Variants in FGF12 observed in about 807,000 individuals in gnomAD.
The protein encoded by FGF12 is fibroblast growth factor 12, also known as fibroblast growth factor 12B.
FGF12 carries 14 observed loss-of-function variants against 23.6 expected under a neutral mutation model. That is an observed-to-expected ratio of 0.59 (90% confidence interval 0.39 to 0.93). The LOEUF is 0.93. Among genes scored for constraint, FGF12 ranks in the 40% least tolerant of loss-of-function variants. FGF12 has a pLI of 0.00. For synonymous variants in FGF12, 62 were observed against 77.3 expected (o/e 0.80, Z 1.04); for missense variants, 175 against 217.8 (o/e 0.80, Z 1.24).
intron 4 of FGF12, among the ~76,000 whole-genome samples, chr3:192,325,111 A>G (rs975568845): frequency 6.6e-6 from 1 of 152,174 alleles, no homozygotes; most frequent in Non-Finnish European, 1.5e-5. Flanking sequence ...ATCCCAACAA[A>G]AAATAACCCA....
chr3:192,425,911 TG>T (rs1721675829), intron 2 of FGF12, among the ~76,000 whole-genome samples: 1 of 152,164 alleles, frequency 6.6e-6, no homozygotes, highest in African/African-American at 2.4e-5. Flanking sequence ...TAAAATTACA[TG>T]GGGATGGAAC....
chr3:192,547,107 T>C (rs922104757), intron 2 of FGF12, among the ~76,000 whole-genome samples: 1 of 152,136 alleles, frequency 6.6e-6, no homozygotes, highest in Admixed American at 6.5e-5. Context: ...CCACAAATGT[T>C]CCTTAGACCT....
intron 4 of FGF12, among the ~76,000 whole-genome samples, chr3:192,198,372 T>C (rs1486804124): frequency 1.3e-5 from 2 of 151,862 alleles, no homozygotes; most frequent in Non-Finnish European, 2.9e-5. Flanking sequence ...ACCTTTAACC[T>C]GAGTAAAAAA....
chr3:192,206,040 A>AG lies in FGF12; in HGVS notation c.229-35385dup, dbSNP rs1484192151. ...TCACAGGAAGTTGAAGATGACTCCAAGAAAACCATGCATATTGCTAATATG... is the reference window on the plus strand; with the variant it reads ...TCACAGGAAGTTGAAGATGACTCCAAGGAAAACCATGCATATTGCTAATATG... On this transcript the variant is annotated intron_variant, in intron 4 of 5. Coordinates refer to ENST00000445105, the MANE Select transcript of FGF12 (RefSeq NM_004113.6). 7.9e-5 allele frequency among the ~76,000 whole-genome samples: 12 copies of AG among 152,360 alleles called. No homozygotes were observed. The East Asian group carries it at 1.7e-3, about 22-fold the overall frequency.
chr3:192,568,340 T>A (rs1712439042), intron 2 of FGF12, among the ~76,000 whole-genome samples: 1 of 152,202 alleles, frequency 6.6e-6, no homozygotes, highest in Non-Finnish European at 1.5e-5. Context: ...TACTTCCTCC[T>A]GCCAGTGGGG....
chr3:192,418,389 T>C (rs1202180108), intron 2 of FGF12, among the ~76,000 whole-genome samples: 1 of 152,156 alleles, frequency 6.6e-6, no homozygotes, highest in Admixed American at 6.5e-5. Flanking sequence ...CAGTATGATG[T>C]CAGTCAAGAA....
At chr3:192,625,913 A>C (rs1715150408) in intron 2 of FGF12, among the ~76,000 whole-genome samples, 1 of 152,200 alleles carries the variant, frequency 6.6e-6, no homozygotes, top group Non-Finnish European at 1.5e-5. Context: ...TTAGGATTAA[A>C]GGGTTAAAAG....
chr3:192,299,664 A>G (rs77550259), intron 4 of FGF12, among the ~76,000 whole-genome samples: 1 of 152,344 alleles, frequency 6.6e-6, no homozygotes, highest in East Asian at 1.9e-4. Flanking sequence ...ATGTCTTAAC[A>G]GTGCTGATAC....
At chr3:192,193,448 C>T (rs1716905970) in intron 4 of FGF12, among the ~76,000 whole-genome samples, 2 of 152,254 alleles carry the variant, frequency 1.3e-5, no homozygotes, top group Admixed American at 1.3e-4. Context: ...GGACTCACTC[C>T]TCAGCAGTGA....
At chr3:192,168,609 A>T (rs745410245) in intron 5 of FGF12, among the ~76,000 whole-genome samples, 12 of 152,230 alleles carry the variant, frequency 7.9e-5, no homozygotes, top group Non-Finnish European at 1.8e-4. Flanking sequence ...ACCTCTAAGA[A>T]TATCATAAAG....
chr3:192,245,849 A>G (rs1711539365), intron 4 of FGF12, among the ~76,000 whole-genome samples: 1 of 152,226 alleles, frequency 6.6e-6, no homozygotes, highest in Non-Finnish European at 1.5e-5. Flanking sequence ...GTCTAGAATT[A>G]TAAGTGACAG....
chr3:192,594,713 G>A (rs1234138567), intron 2 of FGF12, among the ~76,000 whole-genome samples: 2 of 151,788 alleles, frequency 1.3e-5, no homozygotes, highest in African/African-American at 2.4e-5. Flanking sequence ...ACATGCTCTC[G>A]TCCTTTCACC....
chr3:192,622,999 AT>A (rs1715030559), intron 2 of FGF12, among the ~76,000 whole-genome samples: 1 of 152,216 alleles, frequency 6.6e-6, no homozygotes, highest in African/African-American at 2.4e-5. Context: ...AACCTGGCAT[AT>A]CTCCCTTCCT....
intron 3 of FGF12, among the ~76,000 whole-genome samples, chr3:192,351,726 A>G (rs1397108246): frequency 6.6e-6 from 1 of 152,214 alleles, no homozygotes; most frequent in African/African-American, 2.4e-5. Context: ...ACACAAAAGC[A>G]GATAAGGAAT....
At chr3:192,264,504 G>C (rs775632391) in intron 4 of FGF12, among the ~76,000 whole-genome samples, 14 of 151,700 alleles carry the variant, frequency 9.2e-5, no homozygotes, top group Non-Finnish European at 1.9e-4. Context: ...TGGAGAAAAG[G>C]GTAAACAAAA....
intron 2 of FGF12, among the ~76,000 whole-genome samples, chr3:192,479,843 G>A (rs1723430731): frequency 6.6e-6 from 1 of 152,100 alleles, no homozygotes; most frequent in South Asian, 2.1e-4. Context: ...TTAGGCTAAA[G>A]AATAAGATTA....
chr3:192,409,046 CACTGCAAA>C lies in FGF12; in HGVS notation c.14-48516_14-48509del. ...GGTGAGAGCAACTCCCGGCCAGCAG[CACTGCAAA>C]GAGAGCGGGAGGCGAGGGAGGGGGG... On this transcript the variant is annotated intron_variant, in intron 2 of 5. Coordinates refer to ENST00000445105, the MANE Select transcript of FGF12 (RefSeq NM_004113.6). This position sits in a 1 kb window ranked among gnomAD's most constrained non-coding sequence, Gnocchi z 4.8. 1 of 972,812 alleles carries C rather than the reference CACTGCAAA, an allele frequency of 1.0e-6. No individual in the cohort carries two copies. The highest frequency in any genetic ancestry group is 1.2e-6 in the Non-Finnish European group (1 of 823,204). 60.3% of individuals were successfully genotyped at this position (972,812 alleles called of 1,614,324 possible).
At chr3:192,359,450 T>C (rs1335375882) in intron 3 of FGF12, among the ~76,000 whole-genome samples, 2 of 152,196 alleles carry the variant, frequency 1.3e-5, no homozygotes, top group Non-Finnish European at 1.5e-5. Context: ...TCACAACTTG[T>C]TGGGACAGAT....
intron 2 of FGF12, among the ~76,000 whole-genome samples, chr3:192,501,221 T>C (rs1000907576): frequency 6.6e-6 from 1 of 152,122 alleles, no homozygotes; most frequent in Non-Finnish European, 1.5e-5. Flanking sequence ...AAAAAAAGAA[T>C]TGGAGAATAG....
Sources: allele counts gnomAD v4.1 joint callset (sites outside exome capture counted in the v4.1 genomes callset), GRCh38; gene constraint gnomAD v4.1.1; non-coding constraint Gnocchi (gnomAD v3.1); transcripts MANE v1.5; gene names NCBI Gene and HGNC (gene_info 2026-07-23, HGNC 2026-07-21).